TGM5: variants seen among roughly 807,000 people sequenced by gnomAD.
The protein encoded by TGM5 is protein-glutamine gamma-glutamyltransferase 5.
TGM5 carries 69 observed loss-of-function variants against 77.2 expected under a neutral mutation model. That is an observed-to-expected ratio of 0.89 (90% CI 0.74 to 1.09). The LOEUF is 1.09. Among genes scored for constraint, TGM5 ranks in the 50% least tolerant of loss-of-function variants. The pLI is 0.00. For missense variants in TGM5, 842 were observed against 896.5 expected (o/e 0.94, Z 0.78); for synonymous variants, 346 against 351.8 (o/e 0.98, Z 0.18).
At chr15:43,242,249 A>G (rs2042642054) in intron 6 of TGM5, among the ~76,000 whole-genome samples, 1 of 152,270 alleles carries the variant, frequency 6.6e-6, no homozygotes, top group African/African-American at 2.4e-5. Flanking sequence ...GCTTGCAATC[A>G]ATACTGAGTC....
rs536042354 is a variant in TGM5 at position 43,258,152 on chromosome 15, A to G, written c.437-1466T>C. ...TAAATGACAAGTTAATGGGTGCAGC[A>G]CACCAACATGGCACATGTATACATA... On this transcript the variant is annotated intron_variant, in intron 3 of 12. Transcript: ENST00000220420. Among the ~76,000 whole-genome samples the G allele has an allele frequency of 2.0e-5, 3 of 152,190 alleles. No individual in the cohort carries two copies. In the South Asian group the frequency reaches 6.2e-4, roughly 32 times the overall value.
chr15:43,253,650 C>T lies in TGM5; in HGVS notation c.556-16G>A. On this transcript the variant is annotated splice_polypyrimidine_tract_variant and intron_variant, in intron 4 of 12. Coordinates refer to ENST00000220420, the MANE Select transcript of TGM5 (RefSeq NM_201631.4). ...TGTCTTCAAACTTCGGGGGGAGAGG[C>T]AGAGAGGGAAGGCACCCATGCTTGT... 1.2e-6 allele frequency: 2 copies of T among 1,611,108 alleles called. No homozygotes were observed. Among genetic ancestry groups the T allele is most frequent in the Non-Finnish European group, 1.7e-6 (2 of 1,179,994 alleles).
chr15:43,257,530 C>G (rs1161548073), intron 3 of TGM5, among the ~76,000 whole-genome samples: 1 of 152,024 alleles, frequency 6.6e-6, no homozygotes, highest in African/African-American at 2.4e-5. Context: ...ATGGAGCTTA[C>G]TTGAGGGTGG....
chr15:43,260,005 C>T (rs1402808389), intron 3 of TGM5, 47 bp downstream of exon 3: 1 of 1,611,412 alleles, frequency 6.2e-7, no homozygotes, highest in South Asian at 1.1e-5. Flanking sequence ...TCTCTGGCAG[C>T]ACTGACAGAA....
intron 1 of TGM5, among the ~76,000 whole-genome samples, chr15:43,261,072 G>GTTT (rs1566837432): frequency 4.6e-4 from 25 of 53,878 alleles, no homozygotes; most frequent in African/African-American, 1.3e-3. Context: ...TTTTTTGTGT[G>GTTT]TGTGTTTTTT....
At chr15:43,266,678 C>T (rs2042826614) in intron 1 of TGM5, among the ~76,000 whole-genome samples, 162 bp downstream of exon 1, 1 of 152,220 alleles carries the variant, frequency 6.6e-6, no homozygotes, top group Non-Finnish European at 1.5e-5. Context: ...GGTTCTCAAG[C>T]CACCAATGAA....
At chr15:43,266,477 T>C (rs970338831) in intron 1 of TGM5, among the ~76,000 whole-genome samples, 4 of 152,222 alleles carry the variant, frequency 2.6e-5, no homozygotes, top group Non-Finnish European at 5.9e-5. Flanking sequence ...CCCTCCTTTT[T>C]CAGGCAAGGG....
intron 6 of TGM5, among the ~76,000 whole-genome samples, chr15:43,243,540 A>G (rs1008654989): frequency 6.6e-6 from 1 of 152,206 alleles, no homozygotes; most frequent in Non-Finnish European, 1.5e-5. Flanking sequence ...ATGGTTTCTT[A>G]CATAGGGGGT....
chr15:43,240,842 T>G lies in TGM5; in HGVS notation c.1001+10A>C. 1 of 1,614,078 alleles carries G rather than the reference T, an allele frequency of 6.2e-7. No homozygotes were observed. Among genetic ancestry groups the G allele is most frequent in the East Asian group, 2.2e-5 (1 of 44,884 alleles). ...TGGCCCTAGAAATAGGTTGAGAGGT[T>G]GTTTCTCACCAGATAGTATCCTTCT... On this transcript the variant is annotated intron_variant, in intron 7 of 12. Coordinates refer to ENST00000220420, the MANE Select transcript of TGM5 (RefSeq NM_201631.4).
At chr15:43,243,746 C>T (rs1196890889) in intron 6 of TGM5, among the ~76,000 whole-genome samples, 1 of 152,146 alleles carries the variant, frequency 6.6e-6, no homozygotes, top group African/African-American at 2.4e-5. Flanking sequence ...TGTCTAGAGA[C>T]CTTGCTGTCA....
rs758924191 is a variant in TGM5 at position 43,233,627 on chromosome 15, G to A, written c.1936C>T (p.Leu646Phe). ...LSIQVIFSNP[L>F]SEQVEDCVLT... ...ACACAGTCCTCAACCTGCTCCGAGA[G>A]GGGGTTTGAAAATATCACCTGTATG... Residue 646 changes from leucine to phenylalanine, a missense_variant, in exon 12 of 13, where the codon CTC (leucine) becomes TTC (phenylalanine). Transcript: ENST00000220420. 1 of 1,614,214 alleles carries A rather than the reference G, an allele frequency of 6.2e-7. No homozygotes were observed. Among genetic ancestry groups the A allele is most frequent in the Admixed American group, 1.7e-5 (1 of 60,026 alleles).
intron 1 of TGM5, among the ~76,000 whole-genome samples, chr15:43,266,106 T>C (rs1640088369): frequency 6.6e-6 from 1 of 152,246 alleles, no homozygotes. Flanking sequence ...CAGAGGACTA[T>C]AGCTTTATCT....
chr15:43,233,515 G>A (rs1300112532), intron 12 of TGM5, 39 bp downstream of exon 12: 2 of 1,613,894 alleles, frequency 1.2e-6, no homozygotes, highest in Non-Finnish European at 1.7e-6. Context: ...AATCTCAGGG[G>A]GGAAAAACAG....
At chr15:43,234,972 A>G in intron 10 of TGM5, 43 bp from the exon 11 acceptor site, 1 of 1,610,190 alleles carries the variant, frequency 6.2e-7, no homozygotes, top group Non-Finnish European at 8.5e-7. Flanking sequence ...AGCTGAGAAA[A>G]TCAGCCGTAC....
At chr15:43,235,070 G>T in intron 10 of TGM5, 141 bp from the exon 11 acceptor site, 1 of 1,085,040 alleles carries the variant, frequency 9.2e-7, no homozygotes, top group Non-Finnish European at 1.3e-6. Context: ...CTTTTTAGAT[G>T]AGGAAATGAG....
intron 6 of TGM5, among the ~76,000 whole-genome samples, chr15:43,241,467 G>C (rs2042635629): frequency 1.3e-5 from 2 of 152,152 alleles, no homozygotes; most frequent in Admixed American, 1.3e-4. Flanking sequence ...CTGGGTATAT[G>C]ATCTTGGAAG....
chr15:43,261,090 T>TTTTTTTTTTTTTTTTTTTTTTTTTG (rs2042786497), intron 1 of TGM5, among the ~76,000 whole-genome samples: 3 of 97,118 alleles, frequency 3.1e-5, no homozygotes, highest in African/African-American at 1.5e-4. Context: ...TTTTTTTTTT[T>TTTTTTTTTTTTTTTTTTTTTTTTTG]TTTTTTTTTT....
intron 1 of TGM5, among the ~76,000 whole-genome samples, chr15:43,266,323 G>C (rs2142389841): frequency 6.6e-6 from 1 of 152,324 alleles, no homozygotes; most frequent in South Asian, 2.1e-4. Context: ...TCCAGAGTGA[G>C]GGGGATGATA....
rs151005714 is a variant in TGM5 at position 43,250,772 on chromosome 15, C to A, written c.862+1987G>T. On this transcript the variant is annotated intron_variant, in intron 6 of 12. Coordinates refer to ENST00000220420, the MANE Select transcript of TGM5 (RefSeq NM_201631.4). Reference sequence around the variant, plus strand: ...GTGAAGGGATGAGTTTTTCAAACTGCTGTATTTCTTAATTTATAACATGGT... The same window carrying A: ...GTGAAGGGATGAGTTTTTCAAACTGATGTATTTCTTAATTTATAACATGGT... Among the ~76,000 whole-genome samples the A allele has an allele frequency of 4.0e-3, 609 of 152,182 alleles. 3 individuals are homozygous for A. The highest frequency in any genetic ancestry group is 0.014 in the African/African-American group (577 of 41,516).
Sources: gnomAD v4.1 joint callset for allele counts (sites outside exome capture counted in the v4.1 genomes callset) on GRCh38, gnomAD v4.1.1 for gene constraint, MANE v1.5 for transcripts, NCBI Gene and HGNC (gene_info 2026-07-23, HGNC 2026-07-21) for gene names.